FRMPD3: variants seen among roughly 807,000 people sequenced by gnomAD.
The protein encoded by FRMPD3 is FERM and PDZ domain-containing protein 3.
A neutral mutation model predicts 97.9 loss-of-function variants in FRMPD3; 42 were observed. The observed-to-expected ratio is 0.43, with a 90% CI of 0.34 to 0.55. The LOEUF (loss-of-function observed/expected upper bound fraction) is 0.55. FRMPD3 is among the 20% of genes least tolerant of loss of function. The pLI, the probability that FRMPD3 is intolerant of heterozygous loss-of-function variation, is 0.03. For synonymous variants in FRMPD3, 577 were observed against 581.1 expected (o/e 0.99, Z 0.10); for missense variants, 1,303 against 1,457.7 (o/e 0.89, Z 1.73).
intron 1 of FRMPD3, among the ~76,000 whole-genome samples, chrX:107,495,235 C>G (rs1020989205): frequency 9.0e-6 from 1 of 111,443 alleles, no homozygotes; most frequent in Non-Finnish European, 1.9e-5. Context: ...CTGGCTCCCT[C>G]TCTTCTTCAG....
intron 1 of FRMPD3, among the ~76,000 whole-genome samples, chrX:107,521,369 G>T (rs1922502869): frequency 8.9e-6 from 1 of 112,209 alleles, no homozygotes; most frequent in Non-Finnish European, 1.9e-5. Context: ...TGGACCAGCA[G>T]CTTGGGCACG....
intron 1 of FRMPD3, among the ~76,000 whole-genome samples, chrX:107,493,366 G>A (rs1257802207): frequency 9.0e-6 from 1 of 110,721 alleles, no homozygotes; most frequent in Non-Finnish European, 1.9e-5. Context: ...TTTTAAAGCA[G>A]TGTCATGTCT....
intron 1 of FRMPD3, among the ~76,000 whole-genome samples, chrX:107,473,034 A>G (rs1921104602): frequency 8.9e-6 from 1 of 112,285 alleles, no homozygotes; most frequent in Non-Finnish European, 1.9e-5. Flanking sequence ...ACCCAAGCCA[A>G]TCAAAAACCC....
chrX:107,458,130 ATC>A (rs1931409730), intron 1 of FRMPD3, among the ~76,000 whole-genome samples: 2 of 111,319 alleles, frequency 1.8e-5, no homozygotes, highest in Admixed American at 1.9e-4. Context: ...AACAGCGGAG[ATC>A]CTTAGCGGGC....
At chrX:107,478,252 C>T (rs907393879) in intron 1 of FRMPD3, among the ~76,000 whole-genome samples, 2 of 112,281 alleles carry the variant, frequency 1.8e-5, no homozygotes, top group Non-Finnish European at 3.8e-5. Flanking sequence ...AAATCCCATC[C>T]TCTCAGAAAA....
rs372402075 is a variant in FRMPD3, at chrX:107,533,542, A to G, written c.289A>G (p.Thr97Ala). The change falls in exon 4 of 15, where the codon ACT (threonine) becomes GCT (alanine). Residue 97 changes from threonine to alanine, a missense_variant. Thr to Ala is a moderately conservative substitution (Grantham distance 58). Transcript: ENST00000683843. The stretch of plus-strand genomic sequence containing the variant: ...ATTCATCGTTCTTACAGTTCTGCAC[A>G]CTCATCAGGTGAGTGAGCCTCTTTG... ...KEFIVLTVLH[T>A]HQSPKSAFIS... 2.1e-4 allele frequency: 257 copies of G among 1,204,375 alleles called. No homozygotes were observed. In the African/African-American group the frequency reaches 3.8e-3, roughly 18 times the overall value.
chrX:107,565,788 G>A (rs774072027), intron 12 of FRMPD3, among the ~76,000 whole-genome samples: 17 of 111,939 alleles, frequency 1.5e-4, no homozygotes, highest in African/African-American at 5.5e-4. Context: ...TGGGGTAAAT[G>A]TAGCAGCCCC....
chrX:107,469,172 T>C (rs1321961332), intron 1 of FRMPD3, among the ~76,000 whole-genome samples: 3 of 111,536 alleles, frequency 2.7e-5, no homozygotes, highest in African/African-American at 9.8e-5. Context: ...AGGAAATGTA[T>C]ATTAGTCCAT....
At chrX:107,536,440 C>A (rs1923243870) in intron 4 of FRMPD3, among the ~76,000 whole-genome samples, 1 of 94,279 alleles carries the variant, frequency 1.1e-5, no homozygotes. Context: ...AGCAAAATGT[C>A]CTCTTAGCAA....
At chrX:107,584,903 C>T (rs1473767142) in intron 13 of FRMPD3, among the ~76,000 whole-genome samples, 1 of 111,782 alleles carries the variant, frequency 8.9e-6, no homozygotes, top group Non-Finnish European at 1.9e-5. Flanking sequence ...GTTCTTTTTG[C>T]TTAGGATTGT....
At position 107,603,081 on chromosome X, in the gene FRMPD3, G is replaced by A. The variant is rs1298917050; in HGVS notation, c.5042G>A (p.Arg1681His). ...ETFVRLVFIV[R>H]SEAQRQELLA... ...TTCGTGCGGCTGGTGTTCATTGTGC[G>A]CTCCGAGGCCCAGCGCCAAGAGCTG... Residue 1681 changes from arginine (R) to histidine (H), a missense_variant, in exon 15 of 15, where the codon CGC becomes CAC. Arg to His is a conservative substitution (Grantham distance 29). Transcript: ENST00000683843. The A allele has an allele frequency of 8.3e-6, 10 of 1,209,144 alleles. No individual in the cohort carries two copies. The highest frequency in any genetic ancestry group is 1.1e-5 in the Non-Finnish European group (10 of 895,201).
chrX:107,582,545 G>A (rs1307859546), intron 13 of FRMPD3, among the ~76,000 whole-genome samples: 2 of 112,494 alleles, frequency 1.8e-5, no homozygotes, highest in Admixed American at 9.4e-5. Flanking sequence ...TCATGTTTAC[G>A]ATTTACAGTT....
At chrX:107,585,419 T>C (rs1309870605) in intron 13 of FRMPD3, among the ~76,000 whole-genome samples, 1 of 111,740 alleles carries the variant, frequency 8.9e-6, no homozygotes, top group African/African-American at 3.3e-5. Context: ...CTCTTCCTAT[T>C]TGAATACACT....
At chrX:107,583,503 G>T (rs1468819237) in intron 13 of FRMPD3, among the ~76,000 whole-genome samples, 1 of 111,885 alleles carries the variant, frequency 8.9e-6, no homozygotes, top group Non-Finnish European at 1.9e-5. Flanking sequence ...GGGCATTTGG[G>T]TTGGTTCCAT....
At chrX:107,513,205 C>T (rs1249742436) in intron 1 of FRMPD3, 1 of 111,632 alleles carries the variant, frequency 9.0e-6, no homozygotes, top group Non-Finnish European at 1.9e-5. Flanking sequence ...TGACAGGTGT[C>T]TCCATTCCAG....
At chrX:107,476,047 C>T (rs1174146330) in intron 1 of FRMPD3, among the ~76,000 whole-genome samples, 1 of 111,554 alleles carries the variant, frequency 9.0e-6, no homozygotes, top group Non-Finnish European at 1.9e-5. Context: ...CCAGGCCTGG[C>T]TAATTTTTTG....
At position 107,554,519 on chromosome X, in the gene FRMPD3, G is replaced by A. The variant is rs1228375836; in HGVS notation, c.762+15G>A. 8.3e-7 allele frequency: 1 copy of A among 1,201,355 alleles called. No individual in the cohort carries two copies. The highest frequency in any genetic ancestry group is 1.7e-5 in the African/African-American group (1 of 57,793). ...TATACATCCAGGTAGAGTCTGGCTT[G>A]GGGATACACAGACAGACCAGTGGAC... On this transcript the variant is annotated intron_variant, in intron 8 of 14. Coordinates refer to ENST00000683843, the MANE Select transcript of FRMPD3 (RefSeq NM_001388459.1).
chrX:107,456,881 T>C (rs774881705), intron 1 of FRMPD3, among the ~76,000 whole-genome samples: 1 of 112,329 alleles, frequency 8.9e-6, no homozygotes, highest in South Asian at 3.7e-4. Flanking sequence ...AGATTCAAGC[T>C]CATTTTTCTT....
At chrX:107,577,299 C>T (rs1356302631) in intron 13 of FRMPD3, among the ~76,000 whole-genome samples, 6 of 106,954 alleles carry the variant, frequency 5.6e-5, no homozygotes, top group Non-Finnish European at 1.2e-4. Flanking sequence ...GTCTGGCCAA[C>T]ATGGTGAAAC....
Sources: allele counts gnomAD v4.1 joint callset (sites outside exome capture counted in the v4.1 genomes callset), GRCh38; gene constraint gnomAD v4.1.1; transcripts MANE v1.5; gene names NCBI Gene and HGNC (gene_info 2026-07-23, HGNC 2026-07-21).